C12orf42: variants seen among roughly 807,000 people sequenced by gnomAD.
C12orf42 encodes chromosome 12 open reading frame 42, also known as uncharacterized protein C12orf42.
A neutral mutation model predicts 21.6 loss-of-function variants in C12orf42; 25 were observed. The observed-to-expected ratio is 1.16, with a 90% CI of 0.84 to 1.62. C12orf42 has a LOEUF of 1.62. C12orf42 is among the 40% of genes most tolerant of loss of function. The probability of loss-of-function intolerance (pLI) is 0.00; values close to 1 mark genes in which losing one functional copy is unlikely to be tolerated. For synonymous variants in C12orf42, 174 were observed against 175.0 expected (o/e 0.99, Z 0.05); for missense variants, 483 against 459.3 (o/e 1.05, Z -0.47).
chr12:103,155,852 T>C, the C12orf42 span, among the ~76,000 whole-genome samples: 5 of 150,880 alleles, frequency 3.3e-5, no homozygotes, highest in East Asian at 1.9e-4. Flanking sequence ...TATATACATA[T>C]ATGAGTGTAT....
the C12orf42 span, among the ~76,000 whole-genome samples, chr12:103,050,711 C>T: frequency 2.0e-5 from 3 of 151,728 alleles, no homozygotes; most frequent in Admixed American, 1.3e-4. Context: ...TAACAAAAGG[C>T]TAGAGGTCCT....
At position 103,302,279 on chromosome 12, in the gene C12orf42, A is replaced by G. The variant is rs1180739437; in HGVS notation, c.912T>C (p.His304=). Residue 304 remains histidine, a synonymous_variant, in exon 6 of 6, where the codon CAT becomes CAC. Coordinates refer to ENST00000548883, the MANE Select transcript of C12orf42 (RefSeq NM_198521.5). ...GAAGGGGCGCTCCTGCCAGATTGCC[A>G]TGGAGGGAGGTGTCCGCCTGAGGCC... is the stretch of plus-strand genomic sequence containing the variant. ...DRRPQADTSL[H]GNLAGAPLPL... is the part of the protein sequence containing the mutation. 2 of 1,613,210 alleles carry G rather than the reference A, an allele frequency of 1.2e-6. No homozygotes were observed. The highest frequency in any genetic ancestry group is 2.2e-5 in the East Asian group (1 of 44,868).
intron 4 of C12orf42, among the ~76,000 whole-genome samples, chr12:103,345,923 TA>T (rs1263642522): frequency 6.6e-6 from 1 of 152,204 alleles, no homozygotes; most frequent in Non-Finnish European, 1.5e-5. Flanking sequence ...CATGGGGCTA[TA>T]AGCCTTCAAA....
the C12orf42 span, among the ~76,000 whole-genome samples, chr12:103,230,363 C>G: frequency 6.6e-6 from 1 of 152,016 alleles, no homozygotes; most frequent in Non-Finnish European, 1.5e-5. Context: ...CAGCAACTGA[C>G]AGAAAGAACT....
the C12orf42 span, among the ~76,000 whole-genome samples, chr12:103,199,288 A>G: frequency 1.3e-5 from 2 of 152,288 alleles, no homozygotes; most frequent in African/African-American, 4.8e-5. Context: ...CCCTCAACTC[A>G]CACCAGACCT....
chr12:103,218,838 A>T, the C12orf42 span, among the ~76,000 whole-genome samples: 8 of 152,236 alleles, frequency 5.3e-5, no homozygotes, highest in African/African-American at 9.6e-5. Context: ...ATTAAAAAAT[A>T]AAAAAATCTT....
At chr12:103,485,063 G>A (rs975479869) in intron 1 of C12orf42, among the ~76,000 whole-genome samples, 2 of 151,830 alleles carry the variant, frequency 1.3e-5, no homozygotes, top group African/African-American at 4.8e-5. Context: ...TAGAGACGGG[G>A]TTTCACCATG....
At chr12:103,182,662 T>C in the C12orf42 span, among the ~76,000 whole-genome samples, 3 of 152,350 alleles carry the variant, frequency 2.0e-5, no homozygotes, top group East Asian at 5.8e-4. Flanking sequence ...ATTTTTCATA[T>C]AAATTTTTAT....
the C12orf42 span, among the ~76,000 whole-genome samples, chr12:103,520,693 G>GA: frequency 4.0e-4 from 59 of 148,038 alleles, 1 homozygote; most frequent in East Asian, 3.3e-3. Flanking sequence ...AAAACATAAT[G>GA]AAAAAAAAAA....
chr12:103,563,272 A>G, the C12orf42 span, among the ~76,000 whole-genome samples: 1 of 152,186 alleles, frequency 6.6e-6, no homozygotes, highest in Non-Finnish European at 1.5e-5. Context: ...TCCTGGACTA[A>G]GCCCAGATGT....
chr12:103,438,660 G>A (rs1182572981), intron 2 of C12orf42, among the ~76,000 whole-genome samples: 1 of 152,000 alleles, frequency 6.6e-6, no homozygotes, highest in African/African-American at 2.4e-5. Flanking sequence ...ATTCACAGTT[G>A]CTTCAAAGAG....
chr12:103,075,965 A>C, the C12orf42 span, among the ~76,000 whole-genome samples: 1 of 152,156 alleles, frequency 6.6e-6, no homozygotes, highest in Non-Finnish European at 1.5e-5. Context: ...ACAGAAGGAA[A>C]GTAATTGAGT....
chr12:103,129,964 A>C, the C12orf42 span, among the ~76,000 whole-genome samples: 4 of 152,186 alleles, frequency 2.6e-5, no homozygotes, highest in African/African-American at 9.7e-5. Flanking sequence ...AATTTCCAGG[A>C]TAACATCAAG....
chr12:103,294,624 G>GAAAGAAAGAAAGAAAGAAAGAA (rs1555246098), intron 4 of C12orf42, among the ~76,000 whole-genome samples: 17 of 139,826 alleles, frequency 1.2e-4, no homozygotes, highest in African/African-American at 5.0e-4. Flanking sequence ...AAGAAAGAAA[G>GAAAGAAAGAAAGAAAGAAAGAA]AAAGAAAGAA....
intron 4 of C12orf42, among the ~76,000 whole-genome samples, chr12:103,328,909 G>C (rs1045493489): frequency 1.3e-5 from 2 of 152,210 alleles, no homozygotes; most frequent in Non-Finnish European, 2.9e-5. Flanking sequence ...AATAATGATT[G>C]AGCCCTTACT....
chr12:103,508,227 A>T, the C12orf42 span, among the ~76,000 whole-genome samples: 1 of 152,214 alleles, frequency 6.6e-6, no homozygotes, highest in Admixed American at 6.5e-5. Context: ...TAAAACATTT[A>T]AAGGTTGTGA....
At chr12:103,488,964 A>G (rs778038714) in intron 1 of C12orf42, among the ~76,000 whole-genome samples, 2 of 152,242 alleles carry the variant, frequency 1.3e-5, no homozygotes, top group Non-Finnish European at 2.9e-5. Flanking sequence ...CATCAAAGTC[A>G]TTCTCCAACC....
At chr12:103,270,539 T>A (rs2035406085) in intron 5 of C12orf42, among the ~76,000 whole-genome samples, 1 of 149,872 alleles carries the variant, frequency 6.7e-6, no homozygotes, top group South Asian at 2.1e-4. Flanking sequence ...TTTATTTTTT[T>A]AAGATTTGAT....
chr12:103,074,512 CT>C, the C12orf42 span, among the ~76,000 whole-genome samples: 1 of 152,086 alleles, frequency 6.6e-6, no homozygotes, highest in Non-Finnish European at 1.5e-5. Flanking sequence ...AACCTTACCC[CT>C]GTCATTGTGC....
Sources: gnomAD v4.1 joint callset for allele counts (sites outside exome capture counted in the v4.1 genomes callset) on GRCh38, gnomAD v4.1.1 for gene constraint, MANE v1.5 for transcripts, NCBI Gene and HGNC (gene_info 2026-07-23, HGNC 2026-07-21) for gene names.